Variants in ESPN observed in about 807,000 individuals in gnomAD.
ESPN encodes the protein espin.
ESPN carries 68 observed loss-of-function variants against 77.7 expected under a neutral mutation model. That is an observed-to-expected ratio of 0.87 (90% CI 0.72 to 1.07). The LOEUF is 1.07. Among genes scored for constraint, ESPN ranks in the 50% least tolerant of loss-of-function variants. The probability of loss-of-function intolerance (pLI) is 0.00; values close to 1 mark genes in which losing one functional copy is unlikely to be tolerated. For synonymous variants in ESPN, 449 were observed against 567.1 expected (o/e 0.79, Z 2.96); for missense variants, 1,060 against 1,239.0 (o/e 0.86, Z 2.17).
Position 6,460,336 on chromosome 1 carries a change from A to G in ESPN, c.*190A>G. On this transcript the variant is annotated 3_prime_UTR_variant, in exon 13 of 13. Coordinates refer to ENST00000645284, the MANE Select transcript of ESPN (RefSeq NM_031475.3). ...GCAACACTGGAGTGCACACGCCGCC[A>G]CGGTTGCCCAGAAAAAGTGCCCAAG... is the stretch of plus-strand genomic sequence containing the variant. 1.5e-6 allele frequency: 1 copy of G among 682,072 alleles called. No individual in the cohort carries two copies. The highest frequency in any genetic ancestry group is 2.4e-6 in the Non-Finnish European group (1 of 414,326). The allele number at this position is 682,072 out of a possible 1,614,324, so 42.3% of individuals were successfully genotyped here.
At chr1:6,429,397 G>A (rs1486853016) in intron 2 of ESPN, among the ~76,000 whole-genome samples, 4 of 152,098 alleles carry the variant, frequency 2.6e-5, no homozygotes, top group African/African-American at 4.8e-5. Flanking sequence ...AGGGCCCCAG[G>A]GACCCTTGAG....
rs969454314 is a variant in ESPN, at chr1:6,447,148, C to G, written c.1464+1213C>G. 7 of 153,038 alleles carry G rather than the reference C, an allele frequency of 4.6e-5. No homozygotes were observed. Among genetic ancestry groups the G allele is most frequent in the African/African-American group, 1.7e-4 (7 of 40,858 alleles). The allele number at this position is 153,038 out of a possible 1,614,324, so 9.5% of individuals were successfully genotyped here. On this transcript the variant is annotated intron_variant, in intron 7 of 12. Coordinates refer to ENST00000645284, the MANE Select transcript of ESPN (RefSeq NM_031475.3). This position sits in a 1 kb window ranked among gnomAD's most constrained non-coding sequence, Gnocchi z 5.2. Reference sequence around the variant, plus strand: ...CCTCCTGGCTGTGTGAGCCCCCTCCCGGCTGTGTGCGTCCCTCCGGGCTGT... The same window carrying G: ...CCTCCTGGCTGTGTGAGCCCCCTCCGGGCTGTGTGCGTCCCTCCGGGCTGT...
At position 6,447,010 on chromosome 1, in the gene ESPN, G is replaced by C. The variant is rs1643862563; in HGVS notation, c.1464+1075G>C. ...TCTCTGGGAGGCAGAGGGGGCCCTGGAATCGCTGAGTTCCCAACGCAGACT... is the reference window on the plus strand; with the variant it reads ...TCTCTGGGAGGCAGAGGGGGCCCTGCAATCGCTGAGTTCCCAACGCAGACT... On this transcript the variant is annotated intron_variant, in intron 7 of 12. Transcript: ENST00000645284. This position sits in a 1 kb window ranked among gnomAD's most constrained non-coding sequence, Gnocchi z 5.2. 6.6e-6 allele frequency: 1 copy of C among 152,300 alleles called. No individual in the cohort carries two copies. Among genetic ancestry groups the C allele is most frequent in the Non-Finnish European group, 1.5e-5 (1 of 68,122 alleles). The allele number at this position is 152,300 out of a possible 1,614,324, so 9.4% of individuals were successfully genotyped here.
At chr1:6,442,216 T>C (rs1643662319) in intron 5 of ESPN, among the ~76,000 whole-genome samples, 1 of 152,066 alleles carries the variant, frequency 6.6e-6, no homozygotes, top group African/African-American at 2.4e-5. Context: ...GATTCTGACT[T>C]AGGCAGGCAC....
At chr1:6,441,202 G>T in intron 5 of ESPN, 137 bp downstream of exon 5, 3 of 1,251,292 alleles carry the variant, frequency 2.4e-6, no homozygotes, top group Non-Finnish European at 3.4e-6. Context: ...CGACCTCTCA[G>T]CCCAGAACCA....
At chr1:6,429,218 G>A (rs529172124) in intron 2 of ESPN, among the ~76,000 whole-genome samples, 32 of 152,186 alleles carry the variant, frequency 2.1e-4, no homozygotes, top group Admixed American at 5.2e-4. Context: ...GGGTCTGAGC[G>A]GGGAGTGGGG....
intron 12 of ESPN, 123 bp downstream of exon 12, chr1:6,457,495 C>T: frequency 8.5e-7 from 1 of 1,177,994 alleles, no homozygotes; most frequent in East Asian, 2.4e-5. Context: ...GCACAGCCTC[C>T]TTCCTCCCTA....
At chr1:6,433,449 GA>G (rs1569602880) in intron 2 of ESPN, among the ~76,000 whole-genome samples, 1 of 149,922 alleles carries the variant, frequency 6.7e-6, no homozygotes, top group Non-Finnish European at 1.5e-5. Flanking sequence ...ATCTCAGGAG[GA>G]AAAAAAGTTA....
chr1:6,430,427 T>C (rs79830917), intron 2 of ESPN, among the ~76,000 whole-genome samples: 13,997 of 152,246 alleles, frequency 0.092, 934 homozygotes, highest in African/African-American at 0.18. Context: ...TCCAGGTCTA[T>C]ACCTTGGGGT....
chr1:6,458,199 GTA>G (rs1385818318), intron 12 of ESPN, among the ~76,000 whole-genome samples: 5 of 151,674 alleles, frequency 3.3e-5, no homozygotes, highest in African/African-American at 1.2e-4. Flanking sequence ...TGTATTTTTA[GTA>G]GAGATGGGGT....
chr1:6,459,910 T>A, intron 12 of ESPN, 89 bp from the exon 13 acceptor site: 1 of 1,557,420 alleles, frequency 6.4e-7, no homozygotes, highest in Non-Finnish European at 8.8e-7. Context: ...TGACCTGGCC[T>A]CTGCCTGGTG....
In ESPN at chr1:6,437,916, A is replaced by G. The variant is rs1643491955; in HGVS notation, c.489-2338A>G. 7.4e-6 allele frequency among the ~76,000 whole-genome samples: 1 copy of G among 135,088 alleles called. No individual in the cohort carries two copies. The highest frequency in any genetic ancestry group is 2.7e-4 in the South Asian group (1 of 3,732). The allele number at this position is 135,088 out of a possible 152,430, so 88.6% of individuals were successfully genotyped here. ...GTGACAGGGGTCAGAAGAGGGGCTA[A>G]GTCGTGTTGGGAACAAGAGGGTGGG... On this transcript the variant is annotated intron_variant, in intron 2 of 12. Coordinates refer to ENST00000645284, the MANE Select transcript of ESPN (RefSeq NM_031475.3). The surrounding 1 kb of genome is among the most constrained non-coding windows in gnomAD (Gnocchi z 4.5).
chr1:6,456,785 G>A (rs1260410795), intron 10 of ESPN: 1 of 328,878 alleles, frequency 3.0e-6, no homozygotes, highest in East Asian at 6.8e-5. Flanking sequence ...TCCTTCACAG[G>A]GGAGCCAGGG....
chr1:6,429,009 G>A (rs1025917593), intron 2 of ESPN, among the ~76,000 whole-genome samples: 1 of 150,910 alleles, frequency 6.6e-6, no homozygotes, highest in Non-Finnish European at 1.5e-5. Context: ...GAAGCATGGG[G>A]ATCCCAAACC....
intron 12 of ESPN, 36 bp downstream of exon 12, chr1:6,457,408 T>A (rs761681911): frequency 1.2e-6 from 2 of 1,614,144 alleles, no homozygotes; most frequent in Non-Finnish European, 1.7e-6. Flanking sequence ...GCCACCCTTA[T>A]CCCCACCCAA....
intron 2 of ESPN, among the ~76,000 whole-genome samples, chr1:6,433,423 G>T (rs1238464823): frequency 6.6e-6 from 1 of 151,100 alleles, no homozygotes; most frequent in African/African-American, 2.4e-5. Context: ...CAGCCTGGGC[G>T]ACAGAGCAAG....
chr1:6,430,996 G>A (rs1165595386), intron 2 of ESPN, among the ~76,000 whole-genome samples: 3 of 152,166 alleles, frequency 2.0e-5, no homozygotes, highest in Admixed American at 6.5e-5. Context: ...CCCCAAGGCC[G>A]GTGGCCATCC....
Position 6,424,873 on chromosome 1 carries a change from G to A in ESPN, c.-83G>A, listed in dbSNP as rs1168396112. 7.9e-7 allele frequency: 1 copy of A among 1,265,288 alleles called. No individual in the cohort carries two copies. The highest frequency in any genetic ancestry group is 1.0e-6 in the Non-Finnish European group (1 of 997,126). The allele number at this position is 1,265,288 out of a possible 1,614,324, so 78.4% of individuals were successfully genotyped here. On this transcript the variant is annotated 5_prime_UTR_variant, in exon 1 of 13. Coordinates refer to ENST00000645284, the MANE Select transcript of ESPN (RefSeq NM_031475.3). ...CGCAGATCCCCGACGGCCGCACCGC[G>A]GGCTCCTCTGGCCCGCAAGAACACG...
At chr1:6,440,596 C>CCCCCCCCAAT in intron 3 of ESPN, 30 bp from the exon 4 acceptor site, 2 of 1,127,588 alleles carry the variant, frequency 1.8e-6, no homozygotes, top group Non-Finnish European at 2.5e-6. Context: ...GCCCAGCCCC[C>CCCCCCCCAAT]GCCCCCCTCT....
Sources: gnomAD v4.1 joint callset for allele counts (sites outside exome capture counted in the v4.1 genomes callset) on GRCh38, gnomAD v4.1.1 for gene constraint, Gnocchi (gnomAD v3.1) non-coding constraint, MANE v1.5 for transcripts, NCBI Gene and HGNC (gene_info 2026-07-23, HGNC 2026-07-21) for gene names.